The following KAT14 variants were observed in gnomAD, a reference collection of about 807,000 sequenced individuals.
The protein encoded by KAT14 is cysteine-rich protein 2-binding protein.
In KAT14, 66 loss-of-function variants were observed where a neutral mutation model predicts 78.4. The observed-to-expected ratio is 0.84, with a 90% CI of 0.69 to 1.03. The LOEUF is 1.03. KAT14 is among the 50% of genes least tolerant of loss of function. KAT14 has a pLI of 0.00. For missense variants in KAT14, 870 were observed against 972.5 expected, an observed-to-expected ratio of 0.89 and a Z score of 1.40; for synonymous variants, 344 against 359.4, an observed-to-expected ratio of 0.96 and a Z score of 0.48.
rs1196711459 is a variant in KAT14 at position 18,162,252 on chromosome 20, T to C, written c.1099+13T>C. ...GCCTTGTTTCATGGTAAGAGTTTGT[T>C]TGCTTTGCTCTTTTATTTTGGGTAT... is the stretch of plus-strand genomic sequence containing the variant. On this transcript the variant is annotated intron_variant, in intron 6 of 10. Transcript: ENST00000688188. 1 of 1,613,644 alleles carries C rather than the reference T, an allele frequency of 6.2e-7. No homozygotes were observed. The highest frequency in any genetic ancestry group is 1.1e-5 in the South Asian group (1 of 91,076).
chr20:18,173,016 T>C lies in KAT14; in HGVS notation c.1669-8694T>C, dbSNP rs1392932562. Among the ~76,000 whole-genome samples, 6 of 152,316 alleles carry C rather than the reference T, an allele frequency of 3.9e-5. No individual in the cohort carries two copies. The East Asian group carries it at 5.8e-4, about 15-fold the overall frequency. On this transcript the variant is annotated intron_variant, in intron 7 of 10. Transcript: ENST00000688188. Reference sequence around the variant, plus strand: ...GGCTAGAGGGTGTGAAGTTAGGTATTTCTCTTCCCCCAGGTGAGTTAGGCT... The same window carrying C: ...GGCTAGAGGGTGTGAAGTTAGGTATCTCTCTTCCCCCAGGTGAGTTAGGCT...
At chr20:18,157,167 A>G (rs1195108903) in intron 4 of KAT14, among the ~76,000 whole-genome samples, 2 of 152,182 alleles carry the variant, frequency 1.3e-5, no homozygotes, top group Non-Finnish European at 2.9e-5. Flanking sequence ...TCGACACAGT[A>G]AATAACACAT....
chr20:18,155,295 G>A (rs1395605573), intron 4 of KAT14, among the ~76,000 whole-genome samples: 1 of 152,120 alleles, frequency 6.6e-6, no homozygotes, highest in Non-Finnish European at 1.5e-5. Flanking sequence ...ATGTTTACAG[G>A]TTTTTCTTTT....
chr20:18,181,916 G>T, intron 8 of KAT14, 70 bp downstream of exon 8: 1 of 1,587,160 alleles, frequency 6.3e-7, no homozygotes, highest in African/African-American at 1.3e-5. Flanking sequence ...TCTGTGCCCT[G>T]TTCTCCTGTT....
intron 3 of KAT14, among the ~76,000 whole-genome samples, chr20:18,146,213 T>C (rs544407018): frequency 3.3e-5 from 5 of 152,314 alleles, no homozygotes; most frequent in African/African-American, 1.2e-4. Flanking sequence ...ATAATATGAA[T>C]AATAAGGCAT....
intron 4 of KAT14, among the ~76,000 whole-genome samples, chr20:18,157,934 A>G (rs1226957179): frequency 6.6e-6 from 1 of 152,114 alleles, no homozygotes; most frequent in Non-Finnish European, 1.5e-5. Context: ...CATTCTCTCC[A>G]TCTCAGATAG....
Position 18,184,644 on chromosome 20 carries a change from T to C in KAT14, c.2024T>C (p.Val675Ala), listed in dbSNP as rs2039392764. ...SECLQYPDFSVVVLYKKVIIA... is the reference protein window; with the variant it reads ...SECLQYPDFSAVVLYKKVIIA... ...TGTCTGCAGTACCCAGACTTCAGTGTTGTTGTTCTTTATAAAAAAGTCATC... is the reference window on the plus strand; with the variant it reads ...TGTCTGCAGTACCCAGACTTCAGTGCTGTTGTTCTTTATAAAAAAGTCATC... The change falls in exon 10 of 11, where the codon GTT becomes GCT. Residue 675 changes from valine to alanine, a missense_variant. Transcript: ENST00000688188. The C allele has an allele frequency of 3.7e-6, 6 of 1,613,884 alleles. No individual in the cohort carries two copies. The South Asian group carries it at 4.4e-5, about 12-fold the overall frequency.
At chr20:18,186,674 C>T (rs973074306) in intron 10 of KAT14, among the ~76,000 whole-genome samples, 11 of 152,230 alleles carry the variant, frequency 7.2e-5, no homozygotes, top group Admixed American at 7.2e-4. Context: ...ATGATTGTTA[C>T]TCTTTTCCCC....
intron 7 of KAT14, among the ~76,000 whole-genome samples, chr20:18,171,243 G>A (rs952429283): frequency 4.6e-5 from 7 of 152,192 alleles, no homozygotes; most frequent in African/African-American, 1.7e-4. Context: ...CACTGTGGAT[G>A]TGGAAAGAGC....
In KAT14 at chr20:18,162,706, T is replaced by C. The variant is rs2038490435; in HGVS notation, c.1429T>C (p.Cys477Arg). The C allele has an allele frequency of 1.2e-6, 2 of 1,614,060 alleles. No individual in the cohort carries two copies. The highest frequency in any genetic ancestry group is 1.7e-5 in the Admixed American group (1 of 60,006). ...EKLLLKRLEA[C>R]PGAVAMTPEA... ...GCTGCTGCTCAAGAGGCTGGAAGCT[T>C]GTCCCGGTGCTGTTGCCATGACTCC... Residue 477 changes from cysteine to arginine, a missense_variant, in exon 7 of 11, where the codon TGT (cysteine) becomes CGT (arginine). Physicochemically the swap from Cys to Arg is radical, Grantham distance 180 (BLOSUM62 -3). Coordinates refer to ENST00000688188, the MANE Select transcript of KAT14 (RefSeq NM_001392073.1).
intron 7 of KAT14, among the ~76,000 whole-genome samples, chr20:18,179,852 A>C (rs1324165030): frequency 6.6e-6 from 1 of 152,100 alleles, no homozygotes; most frequent in Non-Finnish European, 1.5e-5. Flanking sequence ...TGCTTTTAAT[A>C]GCACCCAAGT....
chr20:18,159,092 C>T lies in KAT14; in HGVS notation c.509C>T (p.Thr170Met), dbSNP rs771978703. The change falls in exon 5 of 11, where the codon ACG becomes ATG. Residue 170 changes from threonine to methionine, a missense_variant. Transcript: ENST00000688188. ...ATTCTTGGACTCTTTAGGAAAAAGA[C>T]GTCTACCTGGTGGAGCACCGTGGCA... ...WTFLLGNRKK[T>M]STWWSTVAGC... is the part of the protein sequence containing the mutation. The T allele has an allele frequency of 5.0e-6, 8 of 1,597,040 alleles. No homozygotes were observed. Among genetic ancestry groups the T allele is most frequent in the East Asian group, 2.2e-5 (1 of 44,766 alleles).
At chr20:18,181,392 G>A (rs1345425636) in intron 7 of KAT14, among the ~76,000 whole-genome samples, 2 of 105,396 alleles carry the variant, frequency 1.9e-5, no homozygotes, top group African/African-American at 6.9e-5. Context: ...TTTTTGAGAC[G>A]GAGTCTCGCT....
intron 2 of KAT14, among the ~76,000 whole-genome samples, chr20:18,144,642 C>A (rs1404075401): frequency 1.3e-5 from 2 of 152,146 alleles, no homozygotes; most frequent in African/African-American, 4.8e-5. Flanking sequence ...ATCAGCATCA[C>A]CTGAGGGACT....
intron 7 of KAT14, among the ~76,000 whole-genome samples, chr20:18,164,867 T>G (rs914299773): frequency 6.6e-5 from 10 of 152,182 alleles, no homozygotes; most frequent in African/African-American, 2.2e-4. Context: ...GCTCGAGTGA[T>G]CGCCTCAGCC....
chr20:18,140,962 ATCC>A (rs2037526813), intron 1 of KAT14, among the ~76,000 whole-genome samples: 1 of 145,794 alleles, frequency 6.9e-6, no homozygotes, highest in South Asian at 2.1e-4. Flanking sequence ...GGCTGAGGTG[ATCC>A]TATCACCTCA....
chr20:18,172,124 C>T (rs1053104501), intron 7 of KAT14, among the ~76,000 whole-genome samples: 3 of 151,578 alleles, frequency 2.0e-5, no homozygotes, highest in Non-Finnish European at 4.4e-5. Flanking sequence ...TTATTTGAGA[C>T]AGAGTCTCAC....
At chr20:18,153,103 T>C (rs1220474751) in intron 4 of KAT14, among the ~76,000 whole-genome samples, 1 of 152,188 alleles carries the variant, frequency 6.6e-6, no homozygotes, top group African/African-American at 2.4e-5. Context: ...TGACAAAGTC[T>C]TTGATCACTT....
chr20:18,169,403 A>G (rs1266715369), intron 7 of KAT14, among the ~76,000 whole-genome samples: 1 of 152,058 alleles, frequency 6.6e-6, no homozygotes, highest in African/African-American at 2.4e-5. Context: ...TCTGTGTCTC[A>G]CGTTTTGGCA....
Sources: gnomAD v4.1 joint callset for allele counts (sites outside exome capture counted in the v4.1 genomes callset) on GRCh38, gnomAD v4.1.1 for gene constraint, MANE v1.5 for transcripts, NCBI Gene and HGNC (gene_info 2026-07-23, HGNC 2026-07-21) for gene names.